EYS: variants seen among roughly 807,000 people sequenced by gnomAD.
The protein encoded by EYS is EGF-like photoreceptor maintenance factor, also known as protein eyes shut homolog.
Under a neutral mutation model 282.1 loss-of-function variants are expected in EYS, and 250 were observed. That is an observed-to-expected ratio of 0.89 (90% CI 0.80 to 0.98). The LOEUF (loss-of-function observed/expected upper bound fraction) is 0.98, where lower values mean the gene tolerates loss of function less well. EYS is among the 50% of genes least tolerant of loss of function. The pLI is 0.00. For synonymous variants in EYS, 1,355 were observed against 1,282.9 expected (o/e 1.06, Z -1.20); for missense variants, 4,016 against 3,709.0 (o/e 1.08, Z -2.15).
At chr6:65,369,296 AT>A (rs201379607) in intron 8 of EYS, among the ~76,000 whole-genome samples, 1 of 90,442 alleles carries the variant, frequency 1.1e-5, no homozygotes, top group African/African-American at 3.1e-5. Flanking sequence ...TTATATATAT[AT>A]TTATGTATAA....
At chr6:65,126,560 CATT>C (rs1205867329) in intron 12 of EYS, among the ~76,000 whole-genome samples, 1 of 152,076 alleles carries the variant, frequency 6.6e-6, no homozygotes, top group Non-Finnish European at 1.5e-5. Flanking sequence ...AGGCAGAAGG[CATT>C]ATTAAAACAC....
chr6:65,023,715 C>T (rs1004047289), intron 13 of EYS, among the ~76,000 whole-genome samples: 1 of 152,170 alleles, frequency 6.6e-6, no homozygotes, highest in African/African-American at 2.4e-5. Flanking sequence ...AGAGGAGACT[C>T]GGGTTTGCTT....
chr6:64,844,155 T>C (rs2150036821), intron 19 of EYS, among the ~76,000 whole-genome samples: 2 of 152,258 alleles, frequency 1.3e-5, no homozygotes, highest in South Asian at 4.1e-4. Flanking sequence ...TGGTATGTCT[T>C]TATCAGCAGC....
At chr6:65,370,871 A>T (rs879921891) in intron 8 of EYS, among the ~76,000 whole-genome samples, 1 of 152,074 alleles carries the variant, frequency 6.6e-6, no homozygotes, top group Admixed American at 6.6e-5. Flanking sequence ...AGTTAGTACC[A>T]TATAAAGAAA....
chr6:65,321,146 CTTTTT>C (rs67687880), intron 11 of EYS, among the ~76,000 whole-genome samples: 2 of 133,492 alleles, frequency 1.5e-5, no homozygotes, highest in Admixed American at 7.5e-5. Context: ...GTATGAAAGC[CTTTTT>C]TTTTTTTTTT....
intron 26 of EYS, among the ~76,000 whole-genome samples, chr6:64,548,059 G>C (rs955971188): frequency 2.6e-5 from 4 of 152,172 alleles, no homozygotes; most frequent in Non-Finnish European, 5.9e-5. Context: ...ACACCTCCCT[G>C]GAAGCTGATA....
intron 28 of EYS, among the ~76,000 whole-genome samples, chr6:64,407,914 G>A (rs1301194602): frequency 1.3e-5 from 2 of 151,996 alleles, no homozygotes; most frequent in Admixed American, 1.3e-4. Flanking sequence ...TGTATTTTTA[G>A]TAGAGATGGG....
chr6:64,088,432 A>G (rs1398534525), intron 31 of EYS, among the ~76,000 whole-genome samples: 2 of 152,076 alleles, frequency 1.3e-5, no homozygotes, highest in African/African-American at 4.8e-5. Flanking sequence ...GATCATATAG[A>G]CTTATCAAAC....
Position 65,161,093 on chromosome 6 carries a change from A to T in EYS, c.2024-103366T>A, listed in dbSNP as rs149507727. Among the ~76,000 whole-genome samples, 3 of 151,104 alleles carry T rather than the reference A, an allele frequency of 2.0e-5. No individual in the cohort carries two copies. In the East Asian group the frequency reaches 5.9e-4, roughly 30 times the overall value. ...TTGGTGTATATTTTATACTCTTTAGATTATCATGTAAGTCTTTTCATTTTA... is the reference window on the plus strand; with the variant it reads ...TTGGTGTATATTTTATACTCTTTAGTTTATCATGTAAGTCTTTTCATTTTA... On this transcript the variant is annotated intron_variant, in intron 12 of 42. Coordinates refer to ENST00000503581, the MANE Select transcript of EYS (RefSeq NM_001142800.2).
At chr6:64,524,119 C>T (rs987122594) in intron 26 of EYS, among the ~76,000 whole-genome samples, 1 of 151,650 alleles carries the variant, frequency 6.6e-6, no homozygotes, top group Non-Finnish European at 1.5e-5. Context: ...ATAACCAATG[C>T]TAATAACTTA....
intron 29 of EYS, 55 bp from the exon 30 acceptor site, chr6:64,307,137 T>C: frequency 1.1e-6 from 1 of 934,904 alleles, no homozygotes; most frequent in Non-Finnish European, 1.7e-6. Flanking sequence ...TTTTCTTGAA[T>C]ATATTATTCT....
chr6:65,537,080 A>T (rs1767986139), intron 2 of EYS, among the ~76,000 whole-genome samples: 3 of 152,164 alleles, frequency 2.0e-5, no homozygotes, highest in Admixed American at 2.0e-4. Context: ...CATCATTCTC[A>T]GCAAACTAAC....
intron 12 of EYS, among the ~76,000 whole-genome samples, chr6:65,278,013 G>GTTGTT (rs2150272067): frequency 4.3e-5 from 1 of 23,328 alleles, no homozygotes; most frequent in Admixed American, 4.3e-4. Flanking sequence ...GGGACACCAG[G>GTTGTT]TTGTTTTCTT....
chr6:65,177,797 G>A (rs1401621766), intron 12 of EYS, among the ~76,000 whole-genome samples: 2 of 151,660 alleles, frequency 1.3e-5, no homozygotes, highest in African/African-American at 4.8e-5. Flanking sequence ...TTTCCATGAA[G>A]AGTAATTAGT....
At chr6:64,906,434 A>G (rs1410893955) in intron 16 of EYS, among the ~76,000 whole-genome samples, 2 of 152,204 alleles carry the variant, frequency 1.3e-5, no homozygotes, top group Admixed American at 1.3e-4. Flanking sequence ...CATGTTTTTA[A>G]TTGTCAACAG....
chr6:63,746,750 T>A (rs945950356), intron 41 of EYS, among the ~76,000 whole-genome samples: 3 of 152,224 alleles, frequency 2.0e-5, no homozygotes, highest in African/African-American at 7.2e-5. Flanking sequence ...GTAGTTTGTA[T>A]TTCTGTGGGA....
At chr6:63,873,816 C>T (rs567552185) in intron 35 of EYS, among the ~76,000 whole-genome samples, 121 of 152,084 alleles carry the variant, frequency 8.0e-4, no homozygotes, top group Admixed American at 1.3e-3. Context: ...CTGTTCATAT[C>T]CTTTGCTCAC....
At chr6:65,419,641 T>C (rs1767376797) in intron 5 of EYS, among the ~76,000 whole-genome samples, 1 of 152,006 alleles carries the variant, frequency 6.6e-6, no homozygotes, top group Admixed American at 6.6e-5. Context: ...GTAATATTCA[T>C]TTTAATAATA....
intron 1 of EYS, among the ~76,000 whole-genome samples, chr6:65,666,957 T>TA (rs200796849): frequency 0.06 from 8,508 of 141,208 alleles, 474 homozygotes; most frequent in East Asian, 0.33. Flanking sequence ...CCACCCAATG[T>TA]AAAAAAAAAA....
Sources: allele counts gnomAD v4.1 joint callset (sites outside exome capture counted in the v4.1 genomes callset), GRCh38; gene constraint gnomAD v4.1.1; transcripts MANE v1.5; gene names NCBI Gene and HGNC (gene_info 2026-07-23, HGNC 2026-07-21).